Variants in LRRIQ3 observed in about 807,000 individuals in gnomAD.
LRRIQ3 encodes leucine-rich repeat and IQ domain-containing protein 3.
A neutral mutation model predicts 59.3 loss-of-function variants in LRRIQ3; 75 were observed. The observed-to-expected ratio is 1.26, with a 90% confidence interval of 1.05 to 1.53. The LOEUF is 1.53. LRRIQ3 is among the 40% of genes most tolerant of loss of function. The probability of loss-of-function intolerance (pLI) is 0.00; values close to 1 mark genes in which losing one functional copy is unlikely to be tolerated. For missense variants in LRRIQ3, 831 were observed against 710.0 expected, an observed-to-expected ratio of 1.17 and a Z score of -1.94; for synonymous variants, 250 against 231.3, an observed-to-expected ratio of 1.08 and a Z score of -0.73.
At position 74,100,853 on chromosome 1, in the gene LRRIQ3, C is replaced by G. The variant is rs574245455; in HGVS notation, c.867+8541G>C. On this transcript the variant is annotated intron_variant, in intron 5 of 7. Coordinates refer to ENST00000354431, the MANE Select transcript of LRRIQ3 (RefSeq NM_001105659.2). ...CATGATGCTGGGAAAACTGGCTAGC[C>G]ATATGTAGAAAGCTGAAACTGGATG... Among the ~76,000 whole-genome samples, 43 of 152,196 alleles carry G rather than the reference C, an allele frequency of 2.8e-4. No homozygotes were observed. The East Asian group carries it at 7.7e-3, about 27-fold the overall frequency.
chr1:74,047,484 C>A (rs1437685696), intron 6 of LRRIQ3, among the ~76,000 whole-genome samples: 1 of 151,994 alleles, frequency 6.6e-6, no homozygotes, highest in Admixed American at 6.6e-5. Context: ...GGAGAAATAC[C>A]TAATGTATCT....
At chr1:74,124,808 G>A (rs1184652470) in intron 4 of LRRIQ3, among the ~76,000 whole-genome samples, 1 of 151,738 alleles carries the variant, frequency 6.6e-6, no homozygotes, top group Non-Finnish European at 1.5e-5. Flanking sequence ...CTCCTGTTTT[G>A]TTCTTCTTGG....
At chr1:74,082,633 A>G (rs1047276711) in intron 5 of LRRIQ3, 4 of 151,522 alleles carry the variant, frequency 2.6e-5, no homozygotes, top group East Asian at 1.9e-4. Flanking sequence ...CTCTTACTTT[A>G]CCTAAACACC....
intron 6 of LRRIQ3, among the ~76,000 whole-genome samples, chr1:74,073,234 C>T (rs1655075820): frequency 6.6e-6 from 1 of 152,006 alleles, no homozygotes; most frequent in Non-Finnish European, 1.5e-5. Context: ...GACTTTTGGC[C>T]AGGCAAGGTG....
chr1:74,114,245 T>C (rs922929878), intron 4 of LRRIQ3, among the ~76,000 whole-genome samples: 14 of 152,030 alleles, frequency 9.2e-5, no homozygotes, highest in Non-Finnish European at 1.9e-4. Context: ...TTAGTTTCTT[T>C]AAAAAGCTTA....
At chr1:74,171,324 T>A (rs1649309268) in intron 3 of LRRIQ3, among the ~76,000 whole-genome samples, 1 of 152,218 alleles carries the variant, frequency 6.6e-6, no homozygotes, top group African/African-American at 2.4e-5. Flanking sequence ...ACTCTTTCCA[T>A]ACATAATTGT....
intron 6 of LRRIQ3, among the ~76,000 whole-genome samples, chr1:74,051,642 C>A (rs1278379650): frequency 1.3e-5 from 2 of 152,124 alleles, no homozygotes; most frequent in Non-Finnish European, 2.9e-5. Flanking sequence ...TAGAGTCATT[C>A]ACCATCCCCT....
chr1:74,145,300 G>C (rs1198570037), intron 4 of LRRIQ3, among the ~76,000 whole-genome samples: 1 of 152,140 alleles, frequency 6.6e-6, no homozygotes, highest in Admixed American at 6.6e-5. Flanking sequence ...GAATAATGGG[G>C]AGACAAGTAG....
Position 74,028,998 on chromosome 1 carries a change from A to C in LRRIQ3, c.1719-2029T>G, listed in dbSNP as rs1212588542. 3.3e-5 allele frequency among the ~76,000 whole-genome samples: 5 copies of C among 152,004 alleles called. No homozygotes were observed. The East Asian group carries it at 5.8e-4, about 18-fold the overall frequency. The stretch of plus-strand genomic sequence containing the variant: ...TAGCCCTCTTACAGATAAACATTAT[A>C]AGCTGTGAAGAAAATGTAAGTAAAA... On this transcript the variant is annotated intron_variant, in intron 7 of 7. Transcript: ENST00000354431.
intron 1 of LRRIQ3, among the ~76,000 whole-genome samples, chr1:74,196,014 C>T (rs1179131812): frequency 6.6e-6 from 1 of 150,696 alleles, no homozygotes; most frequent in East Asian, 1.9e-4. Context: ...TTTTTTTTTA[C>T]TAAAAATTAA....
At chr1:74,097,332 G>A (rs1437591472) in intron 5 of LRRIQ3, among the ~76,000 whole-genome samples, 2 of 152,118 alleles carry the variant, frequency 1.3e-5, no homozygotes, top group Admixed American at 6.6e-5. Context: ...TCAAATGAAT[G>A]AAATGAAGCG....
At chr1:74,110,471 A>AT (rs1445858926) in intron 4 of LRRIQ3, among the ~76,000 whole-genome samples, 1 of 152,068 alleles carries the variant, frequency 6.6e-6, no homozygotes, top group African/African-American at 2.4e-5. Context: ...AAGTCATTGG[A>AT]TAAAATTTAG....
chr1:74,184,013 C>G (rs1383388704), intron 1 of LRRIQ3, among the ~76,000 whole-genome samples: 2 of 151,848 alleles, frequency 1.3e-5, no homozygotes, highest in East Asian at 3.9e-4. Flanking sequence ...CAACTAACAA[C>G]AAACAAATGA....
intron 4 of LRRIQ3, among the ~76,000 whole-genome samples, chr1:74,120,559 A>C (rs1646840443): frequency 6.6e-6 from 1 of 151,948 alleles, no homozygotes. Flanking sequence ...CACCAGCCAA[A>C]TTTTTTAAAT....
At chr1:74,174,034 T>A (rs902192751) in intron 3 of LRRIQ3, among the ~76,000 whole-genome samples, 13 of 152,158 alleles carry the variant, frequency 8.5e-5, no homozygotes, top group Non-Finnish European at 1.6e-4. Flanking sequence ...ATTTTTGGGC[T>A]GCCTAAGTAT....
At chr1:74,075,631 T>C (rs1300835234) in intron 5 of LRRIQ3, among the ~76,000 whole-genome samples, 1 of 151,898 alleles carries the variant, frequency 6.6e-6, no homozygotes, top group Non-Finnish European at 1.5e-5. Context: ...GAGTAGCAAG[T>C]AGCTTCATGG....
At chr1:74,168,337 C>A (rs548128446) in intron 3 of LRRIQ3, among the ~76,000 whole-genome samples, 1 of 152,114 alleles carries the variant, frequency 6.6e-6, no homozygotes, top group African/African-American at 2.4e-5. Flanking sequence ...TATAACATCT[C>A]TCTCCACCTC....
In LRRIQ3 at chr1:74,155,732, C is replaced by A. The variant is rs1404886871; in HGVS notation, c.707+1G>T. On this transcript the variant is annotated splice_donor_variant, in intron 4 of 7. Coordinates refer to ENST00000354431, the MANE Select transcript of LRRIQ3 (RefSeq NM_001105659.2). LOFTEE classifies it high-confidence loss of function. ...CAAATGGTAAAGAAAACAAAACATA[C>A]CTCAAATTTTTTCTAACTAAGAAAC... 1.9e-6 allele frequency: 3 copies of A among 1,566,736 alleles called. No individual in the cohort carries two copies. Among genetic ancestry groups the A allele is most frequent in the African/African-American group, 2.8e-5 (2 of 71,752 alleles).
intron 4 of LRRIQ3, among the ~76,000 whole-genome samples, chr1:74,144,935 C>A (rs1342550509): frequency 6.6e-6 from 1 of 151,710 alleles, no homozygotes; most frequent in Non-Finnish European, 1.5e-5. Flanking sequence ...TATACATATA[C>A]AATTTTAAAT....
Sources: allele counts gnomAD v4.1 joint callset (sites outside exome capture counted in the v4.1 genomes callset), GRCh38; gene constraint gnomAD v4.1.1; transcripts MANE v1.5; gene names NCBI Gene and HGNC (gene_info 2026-07-23, HGNC 2026-07-21).